The following SMAP2 variants were observed in gnomAD, a reference collection of about 807,000 sequenced individuals.
SMAP2 encodes small ArfGAP2.
A neutral mutation model predicts 56.4 loss-of-function variants in SMAP2; 25 were observed. The observed-to-expected ratio is 0.44, with a 90% CI of 0.32 to 0.62. The LOEUF is 0.62. Ranked by LOEUF, SMAP2 falls within the 20% of genes least tolerant of loss-of-function variation. The pLI, the probability that SMAP2 is intolerant of heterozygous loss-of-function variation, is 0.04. For missense variants in SMAP2, 388 were observed against 545.6 expected, an observed-to-expected ratio of 0.71 and a Z score of 2.88; for synonymous variants, 157 against 181.7, an observed-to-expected ratio of 0.86 and a Z score of 1.09.
rs201677657 is a variant in SMAP2, at chr1:40,374,262, G to T, written c.103+39G>T. 1.3e-6 allele frequency: 2 copies of T among 1,551,560 alleles called. No individual in the cohort carries two copies. The highest frequency in any genetic ancestry group is 4.6e-5 in the East Asian group (2 of 43,338). ...CCTGGCGGGCCAGGGGTCCAGCCGCGCCGGGGTGGTGGGGGTGGGCTGCGT... is the reference window on the plus strand; with the variant it reads ...CCTGGCGGGCCAGGGGTCCAGCCGCTCCGGGGTGGTGGGGGTGGGCTGCGT... On this transcript the variant is annotated intron_variant, in intron 1 of 9. Coordinates refer to ENST00000372718, the MANE Select transcript of SMAP2 (RefSeq NM_022733.3). The surrounding 1 kb of genome is among the most constrained non-coding windows in gnomAD (Gnocchi z 5.9).
rs137876126 is a variant in SMAP2 at position 40,421,134 on chromosome 1, T to C, written c.1165-842T>C. Among the ~76,000 whole-genome samples, 62 of 152,238 alleles carry C rather than the reference T, an allele frequency of 4.1e-4. 1 individual carries two copies. The highest frequency in any genetic ancestry group is 1.4e-3 in the African/African-American group (60 of 41,558). ...AGAAAATATGGCAAATGTTAACAGT[T>C]GGTGAATTTAAGGAAGAAGATACAT... On this transcript the variant is annotated intron_variant, in intron 9 of 9. Transcript: ENST00000372718.
chr1:40,410,937 G>T (rs989642679), intron 4 of SMAP2, among the ~76,000 whole-genome samples: 2 of 152,072 alleles, frequency 1.3e-5, no homozygotes, highest in Non-Finnish European at 2.9e-5. Context: ...CACTTCCAGC[G>T]CAGGTCCTAC....
chr1:40,415,989 A>T (rs1644982818), intron 7 of SMAP2, among the ~76,000 whole-genome samples, 187 bp from the exon 8 acceptor site: 2 of 152,226 alleles, frequency 1.3e-5, no homozygotes, highest in South Asian at 4.1e-4. Flanking sequence ...GTGAAAGGAA[A>T]GAATTGTAAC....
chr1:40,381,535 ACT>A (rs924788523), intron 1 of SMAP2, among the ~76,000 whole-genome samples: 1 of 152,030 alleles, frequency 6.6e-6, no homozygotes. Context: ...TCGAAGGTGC[ACT>A]GTTTTGTGTG....
chr1:40,373,971 G>A lies in SMAP2; in HGVS notation c.-150G>A, dbSNP rs1644516776. ...GGGACGGACGCCCCCGACCCGGGAA[G>A]GGGCGTCCGGCGGGGCCGGAGGAGA... On this transcript the variant is annotated 5_prime_UTR_variant, in exon 1 of 10. Transcript: ENST00000372718. 2 of 604,992 alleles carry A rather than the reference G, an allele frequency of 3.3e-6. No homozygotes were observed. The highest frequency in any genetic ancestry group is 3.8e-5 in the African/African-American group (2 of 52,662). 37.5% of individuals were successfully genotyped at this position (604,992 alleles called of 1,614,324 possible). A position where few individuals can be genotyped will look rare whatever the true frequency, so the allele number is the denominator to read the frequency against.
chr1:40,376,031 A>G (rs1391508275), intron 1 of SMAP2, among the ~76,000 whole-genome samples: 2 of 151,968 alleles, frequency 1.3e-5, no homozygotes, highest in African/African-American at 4.8e-5. Flanking sequence ...GCTCACTGCA[A>G]CCTCTGCCTC....
chr1:40,357,640 A>G (rs78810003), intron 1 of SMAP2, among the ~76,000 whole-genome samples: 16,518 of 152,198 alleles, frequency 0.11, 959 homozygotes, highest in Middle Eastern at 0.18. Context: ...ATTCTTCTAC[A>G]TATAGGTATG....
At chr1:40,372,394 G>A (rs572872137), upstream of SMAP2, among the ~76,000 whole-genome samples, 1 of 152,186 alleles carries the variant, frequency 6.6e-6, no homozygotes. Flanking sequence ...CTCTGGCTCT[G>A]GCATCCTGAG....
At chr1:40,411,134 G>A (rs1207958199) in intron 4 of SMAP2, among the ~76,000 whole-genome samples, 4 of 152,190 alleles carry the variant, frequency 2.6e-5, no homozygotes, top group Admixed American at 2.0e-4. Flanking sequence ...AGGCAAGTAA[G>A]TGTAATACAT....
chr1:40,356,928 A>G (rs1036543867), intron 1 of SMAP2, among the ~76,000 whole-genome samples: 1 of 152,142 alleles, frequency 6.6e-6, no homozygotes, highest in African/African-American at 2.4e-5. Context: ...ATGTTGAGCA[A>G]CTTTTCATAT....
Position 40,410,392 on chromosome 1 carries a change from T to C in SMAP2, c.402+557T>C, listed in dbSNP as rs138368843. Among the ~76,000 whole-genome samples, 888 of 151,902 alleles carry C rather than the reference T, an allele frequency of 5.8e-3. 6 individuals carry two copies. The highest frequency in any genetic ancestry group is 8.3e-3 in the Non-Finnish European group (564 of 67,982). On this transcript the variant is annotated intron_variant, in intron 4 of 9. Coordinates refer to ENST00000372718, the MANE Select transcript of SMAP2 (RefSeq NM_022733.3). ...TGATTCCCAGTTTTGAATTATTTCT[T>C]GGGATGGACATGTTGCATATACTAG... is the stretch of plus-strand genomic sequence containing the variant.
Position 40,416,166 on chromosome 1 carries a change from T to C in SMAP2, c.682-10T>C. 2 of 1,611,538 alleles carry C rather than the reference T, an allele frequency of 1.2e-6. No individual in the cohort carries two copies. The highest frequency in any genetic ancestry group is 2.2e-5 in the South Asian group (2 of 90,826). On this transcript the variant is annotated splice_polypyrimidine_tract_variant and intron_variant, in intron 7 of 9. Transcript: ENST00000372718. ...CATTTCAATTCTCCCCCCGCCCTCT[T>C]TGCCCTAAGGTTGTAGGTTCCATGC...
intron 1 of SMAP2, among the ~76,000 whole-genome samples, chr1:40,392,936 A>C (rs1474477003): frequency 2.6e-5 from 4 of 151,948 alleles, no homozygotes; most frequent in Non-Finnish European, 5.9e-5. Context: ...CGCTGTCTCT[A>C]CTAAAGACAC....
At chr1:40,362,241 C>A (rs1167295652) in intron 1 of SMAP2, 1 of 152,258 alleles carries the variant, frequency 6.6e-6, no homozygotes. Context: ...CTCGACTTCT[C>A]TCTCCTCTTG....
chr1:40,394,587 T>G (rs1644751277), intron 1 of SMAP2, among the ~76,000 whole-genome samples: 1 of 152,098 alleles, frequency 6.6e-6, no homozygotes, highest in African/African-American at 2.4e-5. Context: ...CTCCTTAAAA[T>G]ATGTTGGCTC....
In SMAP2 at chr1:40,374,024, TG is replaced by T. The variant is rs1472611881; in HGVS notation, c.-94del. On this transcript the variant is annotated 5_prime_UTR_variant, in exon 1 of 10. Coordinates refer to ENST00000372718, the MANE Select transcript of SMAP2 (RefSeq NM_022733.3). This position sits in a 1 kb window ranked among gnomAD's most constrained non-coding sequence, Gnocchi z 5.9. ...GCTCTCCCCGCTCAGGAGGTGCCCC[TG>T]GGCGGGGGACCGGGAGTCCTCAACC... is the stretch of plus-strand genomic sequence containing the variant. 2.2e-6 allele frequency: 2 copies of T among 923,082 alleles called. No homozygotes were observed. Among genetic ancestry groups the T allele is most frequent in the Non-Finnish European group, 3.4e-6 (2 of 586,404 alleles). 57.2% of individuals were successfully genotyped at this position (923,082 alleles called of 1,614,324 possible).
At chr1:40,417,246 T>G in intron 9 of SMAP2, 150 bp downstream of exon 9, 1 of 643,608 alleles carries the variant, frequency 1.6e-6, no homozygotes, top group Non-Finnish European at 2.6e-6. Flanking sequence ...TTTTTTTTTT[T>G]TCCTAGAAGG....
rs554739599 is a variant in SMAP2 at position 40,385,056 on chromosome 1, C to T, written c.103+10833C>T. Reference sequence around the variant, plus strand: ...CTGCAGGTCTCTCCCCAGTGGAAAGCCCCAGAGATGAGCCAGATCTGCCTC... The same window carrying T: ...CTGCAGGTCTCTCCCCAGTGGAAAGTCCCAGAGATGAGCCAGATCTGCCTC... On this transcript the variant is annotated intron_variant, in intron 1 of 9. Coordinates refer to ENST00000372718, the MANE Select transcript of SMAP2 (RefSeq NM_022733.3). The surrounding 1 kb of genome is among the most constrained non-coding windows in gnomAD (Gnocchi z 4.5). Among the ~76,000 whole-genome samples, 303 of 152,188 alleles carry T rather than the reference C, an allele frequency of 2.0e-3. 2 individuals are homozygous for T. The highest frequency in any genetic ancestry group is 7.0e-3 in the African/African-American group (292 of 41,524).
chr1:40,387,833 G>A (rs1644673719), intron 1 of SMAP2, among the ~76,000 whole-genome samples: 1 of 135,800 alleles, frequency 7.4e-6, no homozygotes, highest in African/African-American at 2.7e-5. Flanking sequence ...TGGCTCCCTC[G>A]GCTTGCGGGG....
Sources: gnomAD v4.1 joint callset for allele counts (sites outside exome capture counted in the v4.1 genomes callset) on GRCh38, gnomAD v4.1.1 for gene constraint, Gnocchi (gnomAD v3.1) non-coding constraint, MANE v1.5 for transcripts, NCBI Gene and HGNC (gene_info 2026-07-23, HGNC 2026-07-21) for gene names.